Variants in NEDD4L observed in about 807,000 individuals in gnomAD.
NEDD4L encodes the protein E3 ubiquitin-protein ligase NEDD4-like.
In NEDD4L, 54 loss-of-function variants were observed where a neutral mutation model predicts 148.9. The ratio of observed to expected loss-of-function variants is 0.36; its 90% confidence interval spans 0.29 to 0.45. NEDD4L has a LOEUF of 0.45. Ranked by LOEUF, NEDD4L falls within the 20% of genes least tolerant of loss-of-function variation. NEDD4L has a pLI of 1.00. For synonymous variants in NEDD4L, 433 were observed against 440.7 expected, an observed-to-expected ratio of 0.98 and a Z score of 0.22; for missense variants, 856 against 1,233.8, an observed-to-expected ratio of 0.69 and a Z score of 4.59.
intron 3 of NEDD4L, among the ~76,000 whole-genome samples, chr18:58,246,901 G>T (rs1039828223): frequency 6.6e-6 from 1 of 152,140 alleles, no homozygotes; most frequent in African/African-American, 2.4e-5. Context: ...TTGGCTGCAT[G>T]TGGTGGCTCA....
intron 24 of NEDD4L, 81 bp downstream of exon 24, chr18:58,373,350 C>A: frequency 1.3e-6 from 1 of 789,466 alleles, no homozygotes; most frequent in Non-Finnish European, 2.2e-6. Context: ...CACAACTTTG[C>A]TGGACCATCA....
chr18:58,138,395 C>A, intron 1 of NEDD4L, among the ~76,000 whole-genome samples: 1 of 150,044 alleles, frequency 6.7e-6, no homozygotes, highest in Middle Eastern at 3.2e-3. Flanking sequence ...CTCCCCTCCT[C>A]CTCTTTCCTC....
At chr18:58,275,950 G>A (rs373798224) in intron 5 of NEDD4L, among the ~76,000 whole-genome samples, 1 of 152,174 alleles carries the variant, frequency 6.6e-6, no homozygotes, top group Non-Finnish European at 1.5e-5. Context: ...AGGCCTCTAA[G>A]CTTGTCAGTC....
At chr18:58,261,651 A>G (rs1391524820) in intron 5 of NEDD4L, among the ~76,000 whole-genome samples, 1 of 152,252 alleles carries the variant, frequency 6.6e-6, no homozygotes, top group East Asian at 1.9e-4. Flanking sequence ...TACTTTATGT[A>G]AAAACTACCT....
chr18:58,385,956 G>A (rs75191685), intron 26 of NEDD4L, among the ~76,000 whole-genome samples: 1,869 of 152,090 alleles, frequency 0.012, 39 homozygotes, highest in African/African-American at 0.043. Context: ...CAAGAAGCCC[G>A]AGGGCTCAGA....
intron 5 of NEDD4L, among the ~76,000 whole-genome samples, chr18:58,268,477 C>T (rs2050547785): frequency 6.6e-6 from 1 of 152,012 alleles, no homozygotes; most frequent in African/African-American, 2.4e-5. Context: ...AACAGCCATT[C>T]ACAGTGTATC....
intron 5 of NEDD4L, among the ~76,000 whole-genome samples, chr18:58,287,036 C>T (rs1193736366): frequency 6.6e-6 from 1 of 151,508 alleles, no homozygotes; most frequent in African/African-American, 2.4e-5. Flanking sequence ...ATTTAGTGTG[C>T]TTAGAGTGCT....
chr18:58,314,383 C>T (rs1238193314), intron 5 of NEDD4L, among the ~76,000 whole-genome samples: 1 of 149,980 alleles, frequency 6.7e-6, no homozygotes, highest in Non-Finnish European at 1.5e-5. Flanking sequence ...CACCACTGTA[C>T]TCCAGCCTGG....
chr18:58,364,902 C>T (rs139132824), intron 20 of NEDD4L, among the ~76,000 whole-genome samples: 127 of 152,330 alleles, frequency 8.3e-4, no homozygotes, highest in East Asian at 2.1e-3. Flanking sequence ...ATTGCATTTT[C>T]TAATGACACA....
At position 58,072,878 on chromosome 18, in the gene NEDD4L, A is replaced by G. The variant is rs562825067; in HGVS notation, c.48+28170A>G. On this transcript the variant is annotated intron_variant, in intron 1 of 30. Transcript: ENST00000400345. ...CTAAGGCGCGCGCGCGCGCGCACAC[A>G]CACACACACACACACACACACACAC... is the stretch of plus-strand genomic sequence containing the variant. Among the ~76,000 whole-genome samples, 565 of 104,178 alleles carry G rather than the reference A, an allele frequency of 5.4e-3. 11 individuals are homozygous for G. Among genetic ancestry groups the G allele is most frequent in the East Asian group, 1.7e-3 (6 of 3,554 alleles). 68.3% of individuals were successfully genotyped at this position (104,178 alleles called of 152,430 possible).
intron 5 of NEDD4L, among the ~76,000 whole-genome samples, chr18:58,269,293 T>G (rs1158639203): frequency 6.6e-6 from 1 of 152,022 alleles, no homozygotes; most frequent in Non-Finnish European, 1.5e-5. Context: ...GGCTTAAAAC[T>G]CTCAGAAAAG....
intron 1 of NEDD4L, among the ~76,000 whole-genome samples, chr18:58,057,109 T>G (rs188179428): frequency 6.6e-6 from 1 of 152,020 alleles, no homozygotes; most frequent in Admixed American, 6.6e-5. Context: ...TGACCCTGCA[T>G]TCCACACCTT....
chr18:58,062,577 A>G (rs993405950), intron 1 of NEDD4L, among the ~76,000 whole-genome samples: 4 of 152,194 alleles, frequency 2.6e-5, no homozygotes, highest in Non-Finnish European at 5.9e-5. Flanking sequence ...TGTAGTTGGT[A>G]GCCAGCCTAG....
chr18:58,182,333 C>T (rs2038952433), intron 2 of NEDD4L, among the ~76,000 whole-genome samples: 1 of 152,022 alleles, frequency 6.6e-6, no homozygotes, highest in Non-Finnish European at 1.5e-5. Context: ...CCAACAAAAA[C>T]CATGCATGTC....
rs57757005 is a variant in NEDD4L at position 58,274,489 on chromosome 18, A to T, written c.297+22435A>T. Among the ~76,000 whole-genome samples, 1,386 of 152,344 alleles carry T rather than the reference A, an allele frequency of 9.1e-3. 24 individuals carry two copies. The highest frequency in any genetic ancestry group is 0.032 in the African/African-American group (1,323 of 41,564). ...GTTGTGTAGACCAAACAGTTCAGGG[A>T]TGCACTTGGCTTAGACAGCTGATAA... is the stretch of plus-strand genomic sequence containing the variant. On this transcript the variant is annotated intron_variant, in intron 5 of 30. Transcript: ENST00000400345.
intron 2 of NEDD4L, among the ~76,000 whole-genome samples, chr18:58,186,240 C>T (rs2147095292): frequency 6.6e-6 from 1 of 152,336 alleles, no homozygotes; most frequent in East Asian, 1.9e-4. Context: ...TCCTTCTCTC[C>T]CCCACTCCCT....
intron 2 of NEDD4L, among the ~76,000 whole-genome samples, chr18:58,231,869 G>A (rs2045283652): frequency 6.6e-6 from 1 of 152,160 alleles, no homozygotes. Context: ...TGGCCAACAA[G>A]TGGTTTAAAT....
At chr18:58,132,236 T>C (rs1301636296) in intron 1 of NEDD4L, among the ~76,000 whole-genome samples, 1 of 140,846 alleles carries the variant, frequency 7.1e-6, no homozygotes, top group East Asian at 2.0e-4. Context: ...TATTGTTGTT[T>C]TGATGGTAGT....
intron 1 of NEDD4L, among the ~76,000 whole-genome samples, chr18:58,051,117 G>A (rs573960528): frequency 2.0e-5 from 3 of 152,308 alleles, no homozygotes; most frequent in Non-Finnish European, 2.9e-5. Flanking sequence ...ACTTAGTTGC[G>A]TGTTGTGGCA....
Sources: gnomAD v4.1 joint callset for allele counts (sites outside exome capture counted in the v4.1 genomes callset) on GRCh38, gnomAD v4.1.1 for gene constraint, MANE v1.5 for transcripts, NCBI Gene and HGNC (gene_info 2026-07-23, HGNC 2026-07-21) for gene names.